DNAJC12: variants seen among roughly 807,000 people sequenced by gnomAD.
DNAJC12 encodes the protein dnaJ homolog subfamily C member 12.
A neutral mutation model predicts 28.5 loss-of-function variants in DNAJC12; 25 were observed. That is an observed-to-expected ratio of 0.88 (90% CI 0.64 to 1.22). DNAJC12 has a LOEUF of 1.22. DNAJC12 is among the 50% of genes most tolerant of loss of function. The pLI, the probability that DNAJC12 is intolerant of heterozygous loss-of-function variation, is 0.00. For missense variants in DNAJC12, 222 were observed against 231.7 expected, an observed-to-expected ratio of 0.96 and a Z score of 0.27; for synonymous variants, 77 against 80.6, an observed-to-expected ratio of 0.95 and a Z score of 0.24.
intron 4 of DNAJC12, among the ~76,000 whole-genome samples, chr10:67,799,610 T>C (rs921831107): frequency 1.3e-5 from 2 of 152,156 alleles, no homozygotes; most frequent in Admixed American, 6.5e-5. Flanking sequence ...TCTGGCCAGG[T>C]GCGGTGGCTC....
At chr10:67,807,071 C>T (rs1406280305) in intron 3 of DNAJC12, among the ~76,000 whole-genome samples, 1 of 151,864 alleles carries the variant, frequency 6.6e-6, no homozygotes, top group African/African-American at 2.4e-5. Flanking sequence ...ACCAGCCTGG[C>T]CAACATGGTG....
In DNAJC12 at chr10:67,828,215, C is replaced by A. The variant is rs151316010; in HGVS notation, c.79-4823G>T. Among the ~76,000 whole-genome samples, 128 of 151,996 alleles carry A rather than the reference C, an allele frequency of 8.4e-4. 1 individual carries two copies. Among genetic ancestry groups the A allele is most frequent in the African/African-American group, 2.8e-3 (114 of 41,446 alleles). ...GAAATTAACATTCATGCTCTGCTGG[C>A]GAGGATGTAAATAGGTATAGACTTT... is the stretch of plus-strand genomic sequence containing the variant. On this transcript the variant is annotated intron_variant, in intron 1 of 4. Coordinates refer to ENST00000225171, the MANE Select transcript of DNAJC12 (RefSeq NM_021800.3).
In DNAJC12 at chr10:67,805,614, C is replaced by T; in HGVS notation, c.471G>A (p.Lys157=). The T allele has an allele frequency of 1.2e-6, 2 of 1,610,622 alleles. No individual in the cohort carries two copies. The highest frequency in any genetic ancestry group is 1.7e-6 in the Non-Finnish European group (2 of 1,179,030). Residue 157 remains lysine (K), a synonymous_variant, in exon 4 of 5, where the codon AAG becomes AAA. Transcript: ENST00000225171. ...AATCTGAATTTTGCGGGGAGACTGA[C>T]TTCTCTAGGGGCTTGGGTTCTTTCT... is the stretch of plus-strand genomic sequence containing the variant. ...TEQKEPKPLE[K]SVSPQNSDSS...
intron 3 of DNAJC12, among the ~76,000 whole-genome samples, chr10:67,806,341 C>G (rs1362799101): frequency 2.0e-5 from 3 of 152,184 alleles, no homozygotes; most frequent in African/African-American, 7.2e-5. Context: ...GCTCTCTGCC[C>G]TAATCAAATC....
intron 1 of DNAJC12, among the ~76,000 whole-genome samples, chr10:67,826,442 C>T (rs1842030280): frequency 7.3e-6 from 1 of 137,532 alleles, no homozygotes; most frequent in Non-Finnish European, 1.5e-5. Context: ...CCTAAAGATG[C>T]ACTTTTAATG....
Position 67,800,096 on chromosome 10 carries a change from A to T in DNAJC12, c.503-2886T>A, listed in dbSNP as rs796093821. ...AAATTAGCCGGATGTGGTGGTGCAC[A>T]CCTGCAGTCCCAGCCATTTGGGGGC... On this transcript the variant is annotated intron_variant, in intron 4 of 4. Coordinates refer to ENST00000225171, the MANE Select transcript of DNAJC12 (RefSeq NM_021800.3). Among the ~76,000 whole-genome samples the T allele has an allele frequency of 3.3e-5, 5 of 150,966 alleles. No individual in the cohort carries two copies. In the East Asian group the frequency reaches 9.9e-4, roughly 30 times the overall value.
chr10:67,806,118 C>T (rs769756559), intron 3 of DNAJC12, among the ~76,000 whole-genome samples: 3 of 152,174 alleles, frequency 2.0e-5, no homozygotes, highest in Non-Finnish European at 4.4e-5. Context: ...AAAAAGAGCG[C>T]TTTTGAGTTT....
At chr10:67,813,469 G>A (rs967464568) in intron 2 of DNAJC12, among the ~76,000 whole-genome samples, 10 of 152,236 alleles carry the variant, frequency 6.6e-5, no homozygotes, top group African/African-American at 2.2e-4. Flanking sequence ...AGCATCAAGA[G>A]CCGGACCCAG....
intron 3 of DNAJC12, among the ~76,000 whole-genome samples, chr10:67,809,272 T>A (rs916644724): frequency 9.2e-5 from 14 of 152,084 alleles, no homozygotes; most frequent in African/African-American, 3.1e-4. Context: ...GGGAGAGCCA[T>A]CCACACCCTG....
chr10:67,816,543 C>CT (rs367769639), intron 2 of DNAJC12, among the ~76,000 whole-genome samples: 7 of 88,238 alleles, frequency 7.9e-5, no homozygotes, highest in African/African-American at 2.4e-4. Flanking sequence ...AGTTTACTTT[C>CT]TTTTTTTTTT....
intron 2 of DNAJC12, among the ~76,000 whole-genome samples, chr10:67,817,571 A>C (rs1841928040): frequency 6.6e-6 from 1 of 152,284 alleles, no homozygotes; most frequent in South Asian, 2.1e-4. Flanking sequence ...TCAGTATCCA[A>C]GTGAATTTTT....
At chr10:67,832,071 G>T (rs972494259) in intron 1 of DNAJC12, among the ~76,000 whole-genome samples, 1 of 152,088 alleles carries the variant, frequency 6.6e-6, no homozygotes, top group African/African-American at 2.4e-5. Flanking sequence ...TCTGAGACCG[G>T]CCTGACCAAC....
intron 4 of DNAJC12, 100 bp downstream of exon 4, chr10:67,805,483 C>G: frequency 8.2e-7 from 1 of 1,220,742 alleles, no homozygotes; most frequent in Non-Finnish European, 1.1e-6. Context: ...TTAAACTTGG[C>G]ACTGCTGTGC....
At position 67,797,038 on chromosome 10, in the gene DNAJC12, T is replaced by C. The variant is rs1014448753; in HGVS notation, c.*78A>G. On this transcript the variant is annotated 3_prime_UTR_variant, in exon 5 of 5. Transcript: ENST00000225171. ...AGACATGACATAAACATGACATTTT[T>C]AAGACATAAACAAAGACTGCATGTT... 9 of 1,106,862 alleles carry C rather than the reference T, an allele frequency of 8.1e-6. No individual in the cohort carries two copies. In the African/African-American group the frequency reaches 9.5e-5, roughly 12 times the overall value. The allele number at this position is 1,106,862 out of a possible 1,614,324, so 68.6% of individuals were successfully genotyped here.
At chr10:67,801,024 G>A (rs896625689) in intron 4 of DNAJC12, among the ~76,000 whole-genome samples, 1 of 152,144 alleles carries the variant, frequency 6.6e-6, no homozygotes, top group Non-Finnish European at 1.5e-5. Flanking sequence ...TTTATCAGAA[G>A]ACATATTTAT....
chr10:67,805,645 G>C lies in DNAJC12; in HGVS notation c.440C>G (p.Thr147Arg). The change falls in exon 4 of 5, where the codon ACG becomes AGG. Residue 147 changes from threonine (T) to arginine (R), a missense_variant. By Grantham distance (71) the Thr-to-Arg change is moderately conservative. Transcript: ENST00000225171. ...KEELASTAEK[T>R]EQKEPKPLEK... ...TAGGGGCTTGGGTTCTTTCTGCTCC[G>C]TTTTCTCTGCGGTTGAAGCCAGCTC... 1 of 1,613,224 alleles carries C rather than the reference G, an allele frequency of 6.2e-7. No homozygotes were observed. The highest frequency in any genetic ancestry group is 8.5e-7 in the Non-Finnish European group (1 of 1,179,742).
chr10:67,819,769 A>AGGGAGG lies in DNAJC12; in HGVS notation c.157+3544_157+3545insCCTCCC, dbSNP rs1446676616. Among the ~76,000 whole-genome samples the AGGGAGG allele has an allele frequency of 3.6e-3, 91 of 25,144 alleles. 2 individuals carry two copies. The highest frequency in any genetic ancestry group is 0.023 in the East Asian group (17 of 734). The allele number at this position is 25,144 out of a possible 152,430, so 16.5% of individuals were successfully genotyped here. On this transcript the variant is annotated intron_variant, in intron 2 of 4. Transcript: ENST00000225171. ...AAGGAAGGAAGGAAGGAAGGAAGGA[A>AGGGAGG]GGAAGGAAGGGGAAGGAAGGAAGGA...
intron 1 of DNAJC12, among the ~76,000 whole-genome samples, chr10:67,829,201 C>A (rs552488063): frequency 1.3e-5 from 2 of 152,248 alleles, no homozygotes; most frequent in African/African-American, 4.8e-5. Flanking sequence ...ACAACTCTCC[C>A]TCCCAGAAAA....
intron 2 of DNAJC12, among the ~76,000 whole-genome samples, chr10:67,819,742 G>T: frequency 4.3e-5 from 1 of 23,046 alleles, no homozygotes; most frequent in Non-Finnish European, 8.3e-5. Context: ...AAGGAAGGAA[G>T]GAAGGAAGGA....
Sources: allele counts gnomAD v4.1 joint callset (sites outside exome capture counted in the v4.1 genomes callset), GRCh38; gene constraint gnomAD v4.1.1; transcripts MANE v1.5; gene names NCBI Gene and HGNC (gene_info 2026-07-23, HGNC 2026-07-21).